The following TTC39C variants were observed in gnomAD, a reference collection of about 807,000 sequenced individuals.
The protein encoded by TTC39C is tetratricopeptide repeat domain 39C, also known as tetratricopeptide repeat protein 39C.
A neutral mutation model predicts 76.3 loss-of-function variants in TTC39C; 33 were observed. The ratio of observed to expected loss-of-function variants is 0.43; its 90% confidence interval spans 0.33 to 0.58. The LOEUF is 0.58. Ranked by LOEUF, TTC39C falls within the 20% of genes least tolerant of loss-of-function variation. TTC39C has a pLI of 0.04. For missense variants in TTC39C, 595 were observed against 701.4 expected (o/e 0.85, Z 1.71); for synonymous variants, 254 against 260.6 (o/e 0.97, Z 0.24).
At chr18:24,118,848 GTC>G (rs1391881270) in intron 8 of TTC39C, among the ~76,000 whole-genome samples, 1 of 151,728 alleles carries the variant, frequency 6.6e-6, no homozygotes, top group African/African-American at 2.4e-5. Flanking sequence ...TAGCAACAAG[GTC>G]TTGCTATGGT....
At chr18:24,037,086 G>T (rs968728799) in intron 1 of TTC39C, among the ~76,000 whole-genome samples, 7 of 152,164 alleles carry the variant, frequency 4.6e-5, no homozygotes, top group African/African-American at 1.7e-4. Flanking sequence ...AATGGCAAAA[G>T]TGGGCGTTTT....
intron 1 of TTC39C, among the ~76,000 whole-genome samples, chr18:24,042,900 A>G (rs1011072383): frequency 6.6e-6 from 1 of 151,994 alleles, no homozygotes; most frequent in Non-Finnish European, 1.5e-5. Flanking sequence ...CTGTGTACTG[A>G]AGCATTGTGG....
chr18:24,035,238 G>C (rs995585641), intron 1 of TTC39C, among the ~76,000 whole-genome samples: 9 of 152,110 alleles, frequency 5.9e-5, no homozygotes, highest in African/African-American at 1.9e-4. Context: ...TGGTCTGGCT[G>C]TGTTGTCTGG....
At chr18:24,080,547 T>C in intron 4 of TTC39C, 38 bp from the exon 5 acceptor site, 1 of 1,462,202 alleles carries the variant, frequency 6.8e-7, no homozygotes, top group Non-Finnish European at 9.3e-7. Context: ...AAAATTATTT[T>C]GAATGTTTTT....
chr18:24,092,114 A>ATAATAAT (rs1171446644), intron 6 of TTC39C, among the ~76,000 whole-genome samples: 1 of 129,522 alleles, frequency 7.7e-6, no homozygotes, highest in Admixed American at 8.8e-5. Context: ...AAAAAAAAAA[A>ATAATAAT]AAAAAAAAAA....
At position 24,120,239 on chromosome 18, in the gene TTC39C, G is replaced by C. The variant is rs569865859; in HGVS notation, c.1186+2007G>C. On this transcript the variant is annotated intron_variant, in intron 8 of 13. Coordinates refer to ENST00000317571, the MANE Select transcript of TTC39C (RefSeq NM_001135993.2). ...GTGGCGCACACCTGTAGTCCCAGCT[G>C]CTTGGGAGGCTGAGGCAGGTGAATC... Among the ~76,000 whole-genome samples the C allele has an allele frequency of 3.3e-5, 5 of 152,274 alleles. No individual in the cohort carries two copies. The South Asian group carries it at 1.0e-3, about 32-fold the overall frequency.
chr18:24,102,562 G>A (rs953575526), intron 6 of TTC39C, among the ~76,000 whole-genome samples: 4 of 152,258 alleles, frequency 2.6e-5, no homozygotes, highest in Middle Eastern at 3.4e-3. Context: ...GGTGGGGACC[G>A]TCTTTAGGAT....
chr18:24,000,952 C>A (rs928989872), intron 1 of TTC39C, among the ~76,000 whole-genome samples: 5 of 152,162 alleles, frequency 3.3e-5, no homozygotes, highest in African/African-American at 1.2e-4. Flanking sequence ...TCAAGGTCAA[C>A]AGACCTCCCC....
intron 7 of TTC39C, 198 bp downstream of exon 7, chr18:24,114,845 G>A (rs1442816056): frequency 2.1e-6 from 1 of 482,496 alleles, no homozygotes; most frequent in Non-Finnish European, 3.7e-6. Flanking sequence ...TTTCTTTACA[G>A]CATTTTGATT....
At position 24,104,688 on chromosome 18, in the gene TTC39C, T is replaced by TTGTGTGTGTGTGTGTGTGTGTGTG. The variant is rs10661950; in HGVS notation, c.985-9855_985-9832dup. ...GCCCAGCGCTTAGGGAGCAGGGTGT[T>TTGTGTGTGTGTGTGTGTGTGTGTG]TGTGTGTGTGTGTGTGTGTGTGTGT... On this transcript the variant is annotated intron_variant, in intron 6 of 13. Coordinates refer to ENST00000317571, the MANE Select transcript of TTC39C (RefSeq NM_001135993.2). 3.5e-5 allele frequency among the ~76,000 whole-genome samples: 5 copies of TTGTGTGTGTGTGTGTGTGTGTGTG among 144,738 alleles called. No homozygotes were observed. In the East Asian group the frequency reaches 8.4e-4, roughly 24 times the overall value. The allele number at this position is 144,738 out of a possible 152,430, so 95.0% of individuals were successfully genotyped here.
intron 1 of TTC39C, among the ~76,000 whole-genome samples, chr18:24,039,442 A>G (rs1454060482): frequency 6.6e-6 from 1 of 152,260 alleles, no homozygotes; most frequent in African/African-American, 2.4e-5. Context: ...ATGTAGAACC[A>G]TGGATTTTAC....
chr18:24,095,711 A>G (rs1214801200), intron 6 of TTC39C, among the ~76,000 whole-genome samples: 1 of 151,870 alleles, frequency 6.6e-6, no homozygotes, highest in Non-Finnish European at 1.5e-5. Flanking sequence ...AAAAACAAAC[A>G]AACAAAAAAA....
chr18:24,058,775 A>G (rs79690225), intron 1 of TTC39C, among the ~76,000 whole-genome samples: 2,028 of 152,346 alleles, frequency 0.013, 50 homozygotes, highest in African/African-American at 0.046. Flanking sequence ...GTTGCTCCAC[A>G]TCTCACTAAC....
Position 24,072,267 on chromosome 18 carries a change from G to A in TTC39C, c.460+2996G>A, listed in dbSNP as rs536515968. Among the ~76,000 whole-genome samples the A allele has an allele frequency of 3.0e-4, 45 of 151,254 alleles. No homozygotes were observed. In the South Asian group the frequency reaches 5.2e-3, roughly 18 times the overall value. On this transcript the variant is annotated intron_variant, in intron 4 of 13. Coordinates refer to ENST00000317571, the MANE Select transcript of TTC39C (RefSeq NM_001135993.2). ...CAGGCCAGAGCTCTGGTAGGGATGA[G>A]CCAATGTGAACTTTTTAATGATTCA...
At chr18:24,049,643 G>A (rs1490811015) in intron 1 of TTC39C, among the ~76,000 whole-genome samples, 1 of 152,184 alleles carries the variant, frequency 6.6e-6, no homozygotes, top group Non-Finnish European at 1.5e-5. Context: ...AGGAAGAGTG[G>A]TCTGGAACCA....
intron 1 of TTC39C, among the ~76,000 whole-genome samples, chr18:24,060,527 C>T (rs534998221): frequency 6.6e-4 from 101 of 151,980 alleles, no homozygotes; most frequent in African/African-American, 2.4e-3. Context: ...AGGCTGGTCT[C>T]GAACTCCTGA....
chr18:24,026,744 G>C (rs2083604422), intron 1 of TTC39C, among the ~76,000 whole-genome samples: 1 of 152,088 alleles, frequency 6.6e-6, no homozygotes, highest in Non-Finnish European at 1.5e-5. Context: ...TTCCACTTTG[G>C]CCTTCTTAGC....
intron 6 of TTC39C, among the ~76,000 whole-genome samples, chr18:24,099,052 C>A (rs2084641547): frequency 1.2e-5 from 1 of 83,254 alleles, no homozygotes. Context: ...TATATCTATA[C>A]ACGTATATAC....
At chr18:24,091,298 C>T (rs1173536257) in intron 6 of TTC39C, among the ~76,000 whole-genome samples, 1 of 152,134 alleles carries the variant, frequency 6.6e-6, no homozygotes, top group Non-Finnish European at 1.5e-5. Flanking sequence ...AAAAATTAGC[C>T]AGGTGTGGTA....
Sources: gnomAD v4.1 joint callset for allele counts (sites outside exome capture counted in the v4.1 genomes callset) on GRCh38, gnomAD v4.1.1 for gene constraint, MANE v1.5 for transcripts, NCBI Gene and HGNC (gene_info 2026-07-23, HGNC 2026-07-21) for gene names.